Variants in NTN1 observed in about 807,000 individuals in gnomAD.
NTN1 encodes the protein netrin 1.
NTN1 carries 11 observed loss-of-function variants against 54.2 expected under a neutral mutation model. That is an observed-to-expected ratio of 0.20 (90% CI 0.13 to 0.34). The LOEUF is 0.34. Ranked by LOEUF, NTN1 falls within the 10% of genes least tolerant of loss-of-function variation. The pLI is 1.00. For synonymous variants in NTN1, 371 were observed against 382.0 expected (o/e 0.97, Z 0.33); for missense variants, 740 against 893.1 (o/e 0.83, Z 2.18).
chr17:9,212,939 G>C lies in NTN1; in HGVS notation c.1412-8229G>C, dbSNP rs779112604. 3.3e-5 allele frequency among the ~76,000 whole-genome samples: 5 copies of C among 152,204 alleles called. No homozygotes were observed. Among genetic ancestry groups the C allele is most frequent in the Non-Finnish European group, 7.3e-5 (5 of 68,044 alleles). On this transcript the variant is annotated intron_variant, in intron 5 of 6. Transcript: ENST00000173229. This position sits in a 1 kb window ranked among gnomAD's most constrained non-coding sequence, Gnocchi z 5.5. ...TGCCATATGCTCAGAGATGAGCCTC[G>C]ATCCGGCGAGCAGGCCGGCTCAGCA... is the stretch of plus-strand genomic sequence containing the variant.
At chr17:9,016,110 T>A in the NTN1 span, among the ~76,000 whole-genome samples, 1 of 151,646 alleles carries the variant, frequency 6.6e-6, no homozygotes, top group Admixed American at 6.6e-5. Context: ...CCCACAAAAC[T>A]CCTGTTCCTT....
At chr17:9,117,782 A>AC (rs1316030312) in intron 2 of NTN1, among the ~76,000 whole-genome samples, 1 of 150,902 alleles carries the variant, frequency 6.6e-6, no homozygotes, top group Non-Finnish European at 1.5e-5. Context: ...AAAAAAAAAA[A>AC]AAAAACAAGC....
At chr17:9,123,900 T>G (rs2092238258) in intron 2 of NTN1, among the ~76,000 whole-genome samples, 1 of 152,222 alleles carries the variant, frequency 6.6e-6, no homozygotes. Flanking sequence ...TTCATGTTGT[T>G]GTACCAGATC....
At chr17:9,027,837 C>T (rs2091876237) in intron 2 of NTN1, among the ~76,000 whole-genome samples, 1 of 152,068 alleles carries the variant, frequency 6.6e-6, no homozygotes. Context: ...TTGGCCAAGT[C>T]TTTCTTGATT....
intron 2 of NTN1, among the ~76,000 whole-genome samples, chr17:9,055,921 G>A (rs149724722): frequency 0.016 from 2,414 of 150,988 alleles, 23 homozygotes; most frequent in Non-Finnish European, 0.024. Context: ...TTTTGAGACC[G>A]AGTTTCGCTC....
intron 2 of NTN1, among the ~76,000 whole-genome samples, chr17:9,115,671 C>CT (rs2092209055): frequency 6.6e-6 from 1 of 152,266 alleles, no homozygotes; most frequent in South Asian, 2.1e-4. Context: ...CTGACTCATC[C>CT]TTCCCCCCCG....
At chr17:9,124,055 C>T (rs1048050051) in intron 2 of NTN1, among the ~76,000 whole-genome samples, 6 of 152,136 alleles carry the variant, frequency 3.9e-5, no homozygotes, top group African/African-American at 1.4e-4. Flanking sequence ...TTTGGCCTGT[C>T]CCCTGACCCC....
Position 9,240,069 on chromosome 17 carries a change from T to C in NTN1, c.*101T>C, listed in dbSNP as rs1360569813. On this transcript the variant is annotated 3_prime_UTR_variant, in exon 7 of 7. Transcript: ENST00000173229. Reference sequence around the variant, plus strand: ...CCGCGGACTTGGCCCGCGAGGGCTTTCCCAGGTGGGGGGAGGGAGGGGGCG... The same window carrying C: ...CCGCGGACTTGGCCCGCGAGGGCTTCCCCAGGTGGGGGGAGGGAGGGGGCG... 6 of 121,898 alleles carry C rather than the reference T, an allele frequency of 4.9e-5. No homozygotes were observed. Among genetic ancestry groups the C allele is most frequent in the Non-Finnish European group, 7.8e-5 (6 of 77,222 alleles). 7.6% of individuals were successfully genotyped at this position (121,898 alleles called of 1,614,324 possible).
chr17:9,082,463 G>A (rs561855470), intron 2 of NTN1, among the ~76,000 whole-genome samples: 72 of 152,280 alleles, frequency 4.7e-4, no homozygotes, highest in African/African-American at 1.6e-3. Flanking sequence ...GACTGGTTTT[G>A]TTGAGTCTTT....
chr17:9,039,686 T>C (rs936508651), intron 2 of NTN1, among the ~76,000 whole-genome samples: 3 of 152,208 alleles, frequency 2.0e-5, no homozygotes, highest in African/African-American at 4.8e-5. Flanking sequence ...CATGGTGCCT[T>C]CTGTCATTGT....
At chr17:9,048,005 G>A (rs2091946257) in intron 2 of NTN1, among the ~76,000 whole-genome samples, 2 of 152,120 alleles carry the variant, frequency 1.3e-5, no homozygotes. Context: ...TGAATCACGA[G>A]TTTTCTTAAT....
At chr17:9,216,974 G>A (rs992070222) in intron 5 of NTN1, among the ~76,000 whole-genome samples, 4 of 151,470 alleles carry the variant, frequency 2.6e-5, no homozygotes, top group Admixed American at 6.6e-5. Flanking sequence ...CCCAGGAAGC[G>A]AAGGTTGCAG....
intron 5 of NTN1, chr17:9,183,688 G>A: frequency 5.4e-6 from 1 of 184,454 alleles, no homozygotes; most frequent in Non-Finnish European, 1.1e-5. Context: ...CATCAATCTG[G>A]GTCTTTAAAG....
intron 2 of NTN1, among the ~76,000 whole-genome samples, chr17:9,030,978 G>A (rs535729595): frequency 2.5e-4 from 38 of 152,252 alleles, no homozygotes; most frequent in Admixed American, 1.6e-3. Context: ...CGCTGCACAC[G>A]TGGTCATATT....
chr17:9,168,508 G>A (rs1468219668), intron 3 of NTN1, among the ~76,000 whole-genome samples: 2 of 151,434 alleles, frequency 1.3e-5, no homozygotes, highest in Non-Finnish European at 2.9e-5. Context: ...CTCCAGCCTG[G>A]GCAACGAGAG....
chr17:9,204,176 G>GTTCC (rs1265366932), intron 5 of NTN1, among the ~76,000 whole-genome samples: 5 of 117,420 alleles, frequency 4.3e-5, no homozygotes, highest in Admixed American at 1.7e-4. Context: ...CTTAGTAACC[G>GTTCC]TTCCTTCCTT....
chr17:9,170,664 C>T (rs540510834), intron 3 of NTN1, among the ~76,000 whole-genome samples: 1 of 152,278 alleles, frequency 6.6e-6, no homozygotes, highest in South Asian at 2.1e-4. Flanking sequence ...GCGGGCTGTG[C>T]ACATCCAGAT....
intron 5 of NTN1, among the ~76,000 whole-genome samples, chr17:9,215,852 T>G (rs889839244): frequency 1.3e-5 from 2 of 152,244 alleles, no homozygotes; most frequent in African/African-American, 2.4e-5. Flanking sequence ...CTTCTAAATA[T>G]GTAGGTTGTC....
chr17:9,041,809 G>A (rs1307221444), intron 2 of NTN1, among the ~76,000 whole-genome samples: 1 of 152,050 alleles, frequency 6.6e-6, no homozygotes, highest in Admixed American at 6.6e-5. Context: ...AGGAGTTCGA[G>A]ACCAGCCTGG....
Sources: allele counts gnomAD v4.1 joint callset (sites outside exome capture counted in the v4.1 genomes callset), GRCh38; gene constraint gnomAD v4.1.1; non-coding constraint Gnocchi (gnomAD v3.1); transcripts MANE v1.5; gene names NCBI Gene and HGNC (gene_info 2026-07-23, HGNC 2026-07-21).